Variants in LCA5 observed in about 807,000 individuals in gnomAD.
The protein encoded by LCA5 is lebercilin.
LCA5 carries 37 observed loss-of-function variants against 53.0 expected under a neutral mutation model. The ratio of observed to expected loss-of-function variants is 0.70; its 90% CI spans 0.54 to 0.92. The LOEUF is 0.92. Ranked by LOEUF, LCA5 falls within the 40% of genes least tolerant of loss-of-function variation. The pLI is 0.00. For missense variants in LCA5, 806 were observed against 790.5 expected, an observed-to-expected ratio of 1.02 and a Z score of -0.23; for synonymous variants, 303 against 282.9, an observed-to-expected ratio of 1.07 and a Z score of -0.71.
chr6:79,526,441 G>C (rs1055254819), intron 1 of LCA5, among the ~76,000 whole-genome samples: 1 of 152,152 alleles, frequency 6.6e-6, no homozygotes, highest in Non-Finnish European at 1.5e-5. Context: ...CTACTTGGGA[G>C]GCTGAGGCAG....
chr6:79,491,523 T>G, intron 6 of LCA5, 65 bp downstream of exon 6: 2 of 1,540,216 alleles, frequency 1.3e-6, no homozygotes, highest in Non-Finnish European at 9.0e-7. Context: ...TTAAAATGTC[T>G]GATATTGTGT....
Position 79,493,672 on chromosome 6 carries a change from C to G in LCA5, c.799G>C (p.Ala267Pro), listed in dbSNP as rs771969969. 6.2e-7 allele frequency: 1 copy of G among 1,613,532 alleles called. No homozygotes were observed. Among genetic ancestry groups the G allele is most frequent in the South Asian group, 1.1e-5 (1 of 91,060 alleles). The change falls in exon 4 of 8, where the codon GCT becomes CCT. Residue 267 changes from alanine to proline, a missense_variant. By Grantham distance (27) the Ala-to-Pro change is conservative. Transcript: ENST00000369846. ...TGAAGAACTTTATTTTCATCATGAGCCTCATATGCCCTTTTCCTTTCAGCA... is the reference window on the plus strand; with the variant it reads ...TGAAGAACTTTATTTTCATCATGAGGCTCATATGCCCTTTTCCTTTCAGCA... ...LLAERKRAYE[A>P]HDENKVLQKE...
At chr6:79,523,615 A>C (rs1429536030) in intron 1 of LCA5, among the ~76,000 whole-genome samples, 1 of 152,232 alleles carries the variant, frequency 6.6e-6, no homozygotes, top group Non-Finnish European at 1.5e-5. Flanking sequence ...AACAACTTTC[A>C]GTTTAAATTC....
At chr6:79,537,795 A>C (rs1404176208), upstream of LCA5, among the ~76,000 whole-genome samples, 3 of 152,184 alleles carry the variant, frequency 2.0e-5, 1 homozygote, top group Non-Finnish European at 4.4e-5. Flanking sequence ...TTTGGGAAAT[A>C]ACTTGCTTTT....
chr6:79,508,058 T>C (rs1447417066), intron 3 of LCA5, among the ~76,000 whole-genome samples: 1 of 152,138 alleles, frequency 6.6e-6, no homozygotes, highest in Non-Finnish European at 1.5e-5. Context: ...AATTTATTGA[T>C]ATAAAAGCCA....
chr6:79,517,629 A>G (rs1368911656), intron 2 of LCA5, among the ~76,000 whole-genome samples: 1 of 152,290 alleles, frequency 6.6e-6, no homozygotes, highest in East Asian at 1.9e-4. Flanking sequence ...AAGGTTCCCA[A>G]TTGTTATAAA....
At chr6:79,534,336 G>T (rs906313972) in intron 1 of LCA5, among the ~76,000 whole-genome samples, 1 of 151,790 alleles carries the variant, frequency 6.6e-6, no homozygotes, top group East Asian at 1.9e-4. Flanking sequence ...TTAAACAATG[G>T]ATCAAATTAA....
At chr6:79,529,099 A>G (rs184589787) in intron 1 of LCA5, among the ~76,000 whole-genome samples, 1 of 152,312 alleles carries the variant, frequency 6.6e-6, no homozygotes, top group Non-Finnish European at 1.5e-5. Flanking sequence ...GGGATGTTGT[A>G]TTATCCCTCG....
chr6:79,512,160 C>T (rs774675381), intron 3 of LCA5, among the ~76,000 whole-genome samples: 7 of 152,066 alleles, frequency 4.6e-5, no homozygotes, highest in South Asian at 2.1e-4. Context: ...TTGTTGTTTA[C>T]GGTAACTGTT....
intron 1 of LCA5, among the ~76,000 whole-genome samples, chr6:79,528,672 C>A (rs1038289108): frequency 3.9e-5 from 6 of 152,170 alleles, no homozygotes. Context: ...CAGCACTCTT[C>A]TAGTGGTCAA....
At position 79,515,774 on chromosome 6, in the gene LCA5, T is replaced by A. The variant is rs180749885; in HGVS notation, c.191-2033A>T. ...ACAATTTAACATTACAAAGTTTCAT[T>A]AAAAAGATAAAAGATTTTATAGAAG... On this transcript the variant is annotated intron_variant, in intron 2 of 7. Transcript: ENST00000369846. Among the ~76,000 whole-genome samples, 665 of 152,228 alleles carry A rather than the reference T, an allele frequency of 4.4e-3. 9 individuals carry two copies. The highest frequency in any genetic ancestry group is 0.015 in the African/African-American group (628 of 41,570).
upstream of LCA5, among the ~76,000 whole-genome samples, chr6:79,538,018 G>GTTTTTTTTTTTTTTT (rs869197362): frequency 9.7e-4 from 43 of 44,164 alleles, 5 homozygotes; most frequent in Non-Finnish European, 1.3e-3. Flanking sequence ...TTGCACACAA[G>GTTTTTTTTTTTTTTT]TTTTTTTTTT....
chr6:79,494,231 C>A (rs556697940), intron 3 of LCA5, among the ~76,000 whole-genome samples: 1 of 147,082 alleles, frequency 6.8e-6, no homozygotes, highest in African/African-American at 2.5e-5. Context: ...ACAAGACTAT[C>A]TTAAAAAAAA....
chr6:79,488,993 C>T, intron 7 of LCA5, 91 bp downstream of exon 7: 1 of 1,437,826 alleles, frequency 7.0e-7, no homozygotes, highest in Non-Finnish European at 9.7e-7. Flanking sequence ...AAGCAATTCA[C>T]AGTTAAGCTG....
At chr6:79,502,645 A>T (rs1000162079) in intron 3 of LCA5, among the ~76,000 whole-genome samples, 1 of 152,216 alleles carries the variant, frequency 6.6e-6, no homozygotes, top group African/African-American at 2.4e-5. Flanking sequence ...TTTTATCAGA[A>T]GATGCTGATA....
intron 3 of LCA5, 124 bp from the exon 4 acceptor site, chr6:79,493,874 A>G: frequency 1.5e-6 from 1 of 685,136 alleles, no homozygotes; most frequent in Non-Finnish European, 2.4e-6. Context: ...CAGACTGGGC[A>G]TAGTATTCAT....
At chr6:79,509,890 T>C (rs1008220173) in intron 3 of LCA5, among the ~76,000 whole-genome samples, 2 of 152,126 alleles carry the variant, frequency 1.3e-5, no homozygotes, top group African/African-American at 2.4e-5. Context: ...ATGTGCAAGA[T>C]TGGAAGATTC....
chr6:79,492,025 A>C (rs1483830003), intron 5 of LCA5, among the ~76,000 whole-genome samples: 2 of 152,020 alleles, frequency 1.3e-5, no homozygotes, highest in Non-Finnish European at 2.9e-5. Context: ...TTTAAATTTC[A>C]CAACATTTAT....
chr6:79,491,465 C>A (rs1242417916), intron 6 of LCA5, 123 bp downstream of exon 6: 2 of 1,007,674 alleles, frequency 2.0e-6, no homozygotes, highest in Admixed American at 1.9e-5. Flanking sequence ...TTCAAAAAGG[C>A]TAGTCGCATA....
Sources: gnomAD v4.1 joint callset for allele counts (sites outside exome capture counted in the v4.1 genomes callset) on GRCh38, gnomAD v4.1.1 for gene constraint, MANE v1.5 for transcripts, NCBI Gene and HGNC (gene_info 2026-07-23, HGNC 2026-07-21) for gene names.